ZNF564: variants seen among roughly 807,000 people sequenced by gnomAD.
The protein encoded by ZNF564 is zinc finger protein 564.
ZNF564 carries 5 observed loss-of-function variants against 10.5 expected under a neutral mutation model. That is an observed-to-expected ratio of 0.48 (90% confidence interval 0.25 to 1.00). The LOEUF (loss-of-function observed/expected upper bound fraction) is 1.00, where lower values mean the gene tolerates loss of function less well. Ranked by LOEUF, ZNF564 falls within the 50% of genes least tolerant of loss-of-function variation. The pLI is 0.16. For missense variants in ZNF564, 603 were observed against 669.7 expected (o/e 0.90, Z 1.10); for synonymous variants, 242 against 218.1 (o/e 1.11, Z -0.97).
intron 1 of ZNF564, among the ~76,000 whole-genome samples, chr19:12,536,479 T>C (rs936911273): frequency 6.6e-6 from 1 of 152,190 alleles, no homozygotes; most frequent in Non-Finnish European, 1.5e-5. Context: ...GCCTGGCCCA[T>C]ATCATATTTC....
intron 1 of ZNF564, among the ~76,000 whole-genome samples, 185 bp from the exon 2 acceptor site, chr19:12,528,881 T>A (rs191647323): frequency 2.6e-5 from 4 of 152,186 alleles, no homozygotes; most frequent in Admixed American, 2.6e-4. Context: ...CCGGTCAACA[T>A]GGTGAAACCC....
intron 1 of ZNF564, among the ~76,000 whole-genome samples, chr19:12,542,499 T>C (rs752808537): frequency 1.3e-5 from 2 of 151,862 alleles, no homozygotes; most frequent in Non-Finnish European, 2.9e-5. Context: ...CACGTGTCTG[T>C]AGTCCCAGCT....
intron 1 of ZNF564, among the ~76,000 whole-genome samples, chr19:12,535,843 T>C (rs192079038): frequency 1.4e-3 from 207 of 151,994 alleles, no homozygotes; most frequent in Non-Finnish European, 2.6e-3. Flanking sequence ...GTGAAATCCA[T>C]CTCTACTAAA....
chr19:12,534,358 A>G (rs2021866959), intron 1 of ZNF564, among the ~76,000 whole-genome samples: 1 of 152,256 alleles, frequency 6.6e-6, no homozygotes, highest in Non-Finnish European at 1.5e-5. Context: ...TACAAATTTA[A>G]AAATTAAAGA....
chr19:12,547,050 C>T (rs114774554), intron 1 of ZNF564, among the ~76,000 whole-genome samples: 1,771 of 152,216 alleles, frequency 0.012, 34 homozygotes, highest in African/African-American at 0.041. Context: ...ATTTGTTCCT[C>T]CCCATGAATG....
intron 1 of ZNF564, among the ~76,000 whole-genome samples, chr19:12,532,271 C>T (rs1448742243): frequency 6.6e-6 from 1 of 151,326 alleles, no homozygotes; most frequent in Admixed American, 6.6e-5. Flanking sequence ...CGCGGTGGCT[C>T]ACACCTGTAA....
chr19:12,526,380 C>T lies in ZNF564; in HGVS notation c.*66G>A, dbSNP rs2021680837. ...GTGAGCTCCCAAACAAGTCTGAAAC[C>T]CAGAAAGCAAACTGAAGACTTTCCA... On this transcript the variant is annotated 3_prime_UTR_variant, in exon 4 of 4. Transcript: ENST00000339282. 3 of 1,491,736 alleles carry T rather than the reference C, an allele frequency of 2.0e-6. No homozygotes were observed. In the Admixed American group the frequency reaches 6.9e-5, roughly 34 times the overall value. 92.4% of individuals were successfully genotyped at this position (1,491,736 alleles called of 1,614,324 possible).
chr19:12,549,443 T>G (rs2022212064), intron 1 of ZNF564, among the ~76,000 whole-genome samples: 1 of 152,178 alleles, frequency 6.6e-6, no homozygotes. Flanking sequence ...AATTGTGCCC[T>G]GCTCACTCTG....
chr19:12,533,104 CAAA>C (rs2021839866), intron 1 of ZNF564: 1 of 152,004 alleles, frequency 6.6e-6, no homozygotes, highest in Non-Finnish European at 1.5e-5. Flanking sequence ...AAAAATAAAC[CAAA>C]TACTGGGGCA....
intron 1 of ZNF564, among the ~76,000 whole-genome samples, chr19:12,546,801 T>C (rs1300332035): frequency 1.3e-5 from 2 of 152,172 alleles, no homozygotes; most frequent in African/African-American, 4.8e-5. Context: ...CTGGACAGTT[T>C]TGTCTTCACT....
At chr19:12,536,066 T>A (rs1261242453) in intron 1 of ZNF564, among the ~76,000 whole-genome samples, 1 of 151,584 alleles carries the variant, frequency 6.6e-6, no homozygotes, top group Non-Finnish European at 1.5e-5. Context: ...ATTAAATAAC[T>A]CTGTACTTAA....
chr19:12,538,655 T>A lies in ZNF564; in HGVS notation c.4-9959A>T, dbSNP rs200943785. Among the ~76,000 whole-genome samples the A allele has an allele frequency of 1.7e-4, 25 of 150,990 alleles. No individual in the cohort carries two copies. The East Asian group carries it at 4.5e-3, about 27-fold the overall frequency. Reference sequence around the variant, plus strand: ...AATAAATAAATAAAAAATAAAAAAATTTTAACTAGTCGAGTGTGGTGGCAC... The same window carrying A: ...AATAAATAAATAAAAAATAAAAAAAATTTAACTAGTCGAGTGTGGTGGCAC... On this transcript the variant is annotated intron_variant, in intron 1 of 3. Transcript: ENST00000339282.
At chr19:12,528,051 T>C (rs563285649) in intron 3 of ZNF564, 135 bp from the exon 4 acceptor site, 5 of 1,016,990 alleles carry the variant, frequency 4.9e-6, no homozygotes, top group Non-Finnish European at 7.2e-6. Flanking sequence ...AGTGAATGGA[T>C]GGAATGCTCT....
chr19:12,540,603 C>G (rs950501231), intron 1 of ZNF564, among the ~76,000 whole-genome samples: 1 of 152,082 alleles, frequency 6.6e-6, no homozygotes, highest in Non-Finnish European at 1.5e-5. Context: ...GCCTGTAATC[C>G]CAGCACTTTG....
intron 1 of ZNF564, among the ~76,000 whole-genome samples, chr19:12,534,623 G>A (rs2021871383): frequency 6.6e-6 from 1 of 152,114 alleles, no homozygotes; most frequent in Non-Finnish European, 1.5e-5. Flanking sequence ...AGACCCGCCT[G>A]GCCAACATGG....
intron 3 of ZNF564, 133 bp from the exon 4 acceptor site, chr19:12,528,049 G>A: frequency 9.7e-7 from 1 of 1,034,940 alleles, no homozygotes; most frequent in African/African-American, 1.6e-5. Context: ...AAAGTGAATG[G>A]ATGGAATGCT....
At chr19:12,531,400 C>G (rs1319493285) in intron 1 of ZNF564, among the ~76,000 whole-genome samples, 1 of 151,860 alleles carries the variant, frequency 6.6e-6, no homozygotes, top group Non-Finnish European at 1.5e-5. Context: ...AACCTCGTCT[C>G]TACTAAAAAT....
intron 1 of ZNF564, among the ~76,000 whole-genome samples, chr19:12,549,839 G>A (rs1251685773): frequency 6.6e-6 from 1 of 152,142 alleles, no homozygotes; most frequent in Non-Finnish European, 1.5e-5. Context: ...TGGCAGCTGT[G>A]GGTATCCTGG....
intron 1 of ZNF564, chr19:12,548,610 G>C: frequency 3.7e-6 from 2 of 541,120 alleles, no homozygotes; most frequent in Middle Eastern, 9.9e-4. Flanking sequence ...TTGGTGCTGG[G>C]ATAACAGGCG....
Sources: gnomAD v4.1 joint callset for allele counts (sites outside exome capture counted in the v4.1 genomes callset) on GRCh38, gnomAD v4.1.1 for gene constraint, MANE v1.5 for transcripts, NCBI Gene and HGNC (gene_info 2026-07-23, HGNC 2026-07-21) for gene names.